NCAM2: variants seen among roughly 807,000 people sequenced by gnomAD.
NCAM2 encodes the protein N-CAM-2.
A neutral mutation model predicts 98.1 loss-of-function variants in NCAM2; 30 were observed. The ratio of observed to expected loss-of-function variants is 0.31; its 90% confidence interval spans 0.23 to 0.41. The LOEUF (loss-of-function observed/expected upper bound fraction) is 0.41, where lower values mean the gene tolerates loss of function less well. NCAM2 is among the 10% of genes least tolerant of loss of function. The pLI is 1.00. For missense variants in NCAM2, 867 were observed against 1,005.8 expected, an observed-to-expected ratio of 0.86 and a Z score of 1.87; for synonymous variants, 368 against 342.4, an observed-to-expected ratio of 1.07 and a Z score of -0.83.
chr21:21,160,232 T>C (rs1262290098), intron 1 of NCAM2, among the ~76,000 whole-genome samples: 1 of 152,096 alleles, frequency 6.6e-6, no homozygotes, highest in Non-Finnish European at 1.5e-5. Context: ...AGATAATGAA[T>C]GAATGTTTGA....
intron 1 of NCAM2, among the ~76,000 whole-genome samples, chr21:21,014,973 A>C (rs1219015415): frequency 6.6e-6 from 1 of 152,202 alleles, no homozygotes; most frequent in Non-Finnish European, 1.5e-5. Context: ...TAGTAACTGC[A>C]GATCTGATGG....
chr21:21,099,498 G>A (rs1036712417), intron 1 of NCAM2, among the ~76,000 whole-genome samples: 1 of 151,862 alleles, frequency 6.6e-6, no homozygotes, highest in Admixed American at 6.6e-5. Flanking sequence ...GAAGTGCTAA[G>A]CAAAGGGTGG....
chr21:21,346,217 A>T (rs1460677623), intron 8 of NCAM2, among the ~76,000 whole-genome samples: 3 of 151,864 alleles, frequency 2.0e-5, no homozygotes, highest in Admixed American at 6.6e-5. Context: ...CCAAAAAAAA[A>T]AAAAAAACAG....
intron 5 of NCAM2, among the ~76,000 whole-genome samples, chr21:21,306,230 T>G (rs1451332489): frequency 6.6e-6 from 1 of 152,172 alleles, no homozygotes; most frequent in Non-Finnish European, 1.5e-5. Flanking sequence ...AATCAAGTCT[T>G]CTGTATCTTT....
intron 1 of NCAM2, among the ~76,000 whole-genome samples, chr21:21,072,934 A>C (rs531340518): frequency 2.0e-5 from 3 of 152,218 alleles, no homozygotes; most frequent in Middle Eastern, 3.4e-3. Flanking sequence ...GAACTGTTTC[A>C]ACTTCTCAAA....
chr21:21,048,865 A>G (rs897959129), intron 1 of NCAM2, among the ~76,000 whole-genome samples: 15 of 152,090 alleles, frequency 9.9e-5, no homozygotes, highest in Admixed American at 7.2e-4. Context: ...TCTGTGTATC[A>G]TGCATTCTTC....
chr21:21,042,015 G>A (rs1197633700), intron 1 of NCAM2, among the ~76,000 whole-genome samples: 1 of 152,148 alleles, frequency 6.6e-6, no homozygotes, highest in Non-Finnish European at 1.5e-5. Context: ...AATTTTAAGT[G>A]CAGTAGAACC....
intron 1 of NCAM2, among the ~76,000 whole-genome samples, chr21:21,202,336 T>C (rs1316971870): frequency 6.7e-6 from 1 of 150,276 alleles, no homozygotes; most frequent in Non-Finnish European, 1.5e-5. Context: ...AAATAAATGC[T>C]CAATAAATGT....
chr21:21,242,634 T>C (rs988798831), intron 1 of NCAM2, among the ~76,000 whole-genome samples: 1 of 152,166 alleles, frequency 6.6e-6, no homozygotes, highest in Non-Finnish European at 1.5e-5. Context: ...GGCCTCTAGC[T>C]TTATCTCTGT....
At chr21:21,265,912 T>A (rs542702543) in intron 1 of NCAM2, among the ~76,000 whole-genome samples, 568 of 152,118 alleles carry the variant, frequency 3.7e-3, no homozygotes, top group Non-Finnish European at 6.6e-3. Context: ...AATAAAAAAT[T>A]ATAGTATAAA....
At chr21:21,267,654 T>G (rs2072335419) in intron 1 of NCAM2, among the ~76,000 whole-genome samples, 1 of 152,190 alleles carries the variant, frequency 6.6e-6, no homozygotes, top group East Asian at 1.9e-4. Context: ...AATTTTCTTG[T>G]GTGAAACAAA....
At chr21:21,407,450 G>A (rs572834778) in intron 9 of NCAM2, among the ~76,000 whole-genome samples, 3 of 152,230 alleles carry the variant, frequency 2.0e-5, no homozygotes, top group African/African-American at 4.8e-5. Context: ...GCAATTAGTG[G>A]CAATTGCTTT....
intron 9 of NCAM2, among the ~76,000 whole-genome samples, chr21:21,384,588 A>G (rs2076225410): frequency 1.3e-5 from 2 of 152,114 alleles, no homozygotes; most frequent in Non-Finnish European, 2.9e-5. Flanking sequence ...TAACTTTAGC[A>G]TGATACTGAC....
rs1273921281 is a variant in NCAM2, at chr21:21,047,413, A to G, written c.55+48795A>G. 7.2e-5 allele frequency among the ~76,000 whole-genome samples: 11 copies of G among 152,208 alleles called. 1 individual carries two copies. Among genetic ancestry groups the G allele is most frequent in the Admixed American group, 7.2e-4 (11 of 15,284 alleles). On this transcript the variant is annotated intron_variant, in intron 1 of 17. Transcript: ENST00000400546. ...GAGCAGATGTTTAATGAGCAACAGAAATGAATTGACAGGTTTTTTTGCTTG... is the reference window on the plus strand; with the variant it reads ...GAGCAGATGTTTAATGAGCAACAGAGATGAATTGACAGGTTTTTTTGCTTG...
chr21:21,095,798 A>G (rs896487306), intron 1 of NCAM2, among the ~76,000 whole-genome samples: 1 of 151,642 alleles, frequency 6.6e-6, no homozygotes, highest in African/African-American at 2.4e-5. Flanking sequence ...TCTCAGAACT[A>G]CTAGCTTTCA....
At chr21:21,422,633 T>C (rs2077133960) in intron 11 of NCAM2, among the ~76,000 whole-genome samples, 1 of 152,146 alleles carries the variant, frequency 6.6e-6, no homozygotes, top group Admixed American at 6.5e-5. Context: ...AATCTTTCTA[T>C]GTTGTTACAG....
intron 11 of NCAM2, among the ~76,000 whole-genome samples, chr21:21,419,530 T>G (rs2145963012): frequency 1.9e-5 from 2 of 103,736 alleles, no homozygotes; most frequent in South Asian, 7.4e-4. Context: ...CCCACAATAG[T>G]CCCTGGAGTG....
chr21:21,431,208 A>G (rs1421953619), intron 11 of NCAM2, among the ~76,000 whole-genome samples: 1 of 150,266 alleles, frequency 6.7e-6, no homozygotes, highest in East Asian at 2.0e-4. Context: ...GTTTAAGATT[A>G]TTTCAGATGT....
chr21:21,470,667 C>T (rs1226233835), intron 14 of NCAM2, among the ~76,000 whole-genome samples: 1 of 152,010 alleles, frequency 6.6e-6, no homozygotes, highest in Non-Finnish European at 1.5e-5. Flanking sequence ...AAAGTATGTC[C>T]TTTTCCCTCC....
Sources: allele counts gnomAD v4.1 joint callset (sites outside exome capture counted in the v4.1 genomes callset), GRCh38; gene constraint gnomAD v4.1.1; transcripts MANE v1.5; gene names NCBI Gene and HGNC (gene_info 2026-07-23, HGNC 2026-07-21).